ACOT7: variants seen among roughly 807,000 people sequenced by gnomAD.
ACOT7 encodes the protein cytosolic acyl coenzyme A thioester hydrolase.
A neutral mutation model predicts 40.2 loss-of-function variants in ACOT7; 12 were observed. That is an observed-to-expected ratio of 0.30 (90% CI 0.19 to 0.48). The LOEUF (loss-of-function observed/expected upper bound fraction) is 0.48. ACOT7 is among the 20% of genes least tolerant of loss of function. The probability of loss-of-function intolerance (pLI) is 0.99; values close to 1 mark genes in which losing one functional copy is unlikely to be tolerated. For missense variants in ACOT7, 395 were observed against 530.8 expected, an observed-to-expected ratio of 0.74 and a Z score of 2.51; for synonymous variants, 228 against 219.5, an observed-to-expected ratio of 1.04 and a Z score of -0.34.
At chr1:6,340,992 C>T (rs185870166) in intron 2 of ACOT7, among the ~76,000 whole-genome samples, 26 of 151,670 alleles carry the variant, frequency 1.7e-4, no homozygotes, top group African/African-American at 2.9e-4. Flanking sequence ...GCTGAGATTG[C>T]GCCACTGCAC....
In ACOT7 at chr1:6,330,576, C is replaced by T. The variant is rs961286779; in HGVS notation, c.510+2901G>A. On this transcript the variant is annotated intron_variant, in intron 4 of 8. Transcript: ENST00000361521. The surrounding 1 kb of genome is among the most constrained non-coding windows in gnomAD (Gnocchi z 4.6). ...GTATTTATGTCTCATCAAACCCACT[C>T]TACAAAGGAAATGAAAAAGCAACTG... is the stretch of plus-strand genomic sequence containing the variant. Among the ~76,000 whole-genome samples, 1 of 152,158 alleles carries T rather than the reference C, an allele frequency of 6.6e-6. No individual in the cohort carries two copies. Among genetic ancestry groups the T allele is most frequent in the Admixed American group, 6.5e-5 (1 of 15,286 alleles).
intron 8 of ACOT7, among the ~76,000 whole-genome samples, chr1:6,271,603 G>GTCCGCCATCCGCTGTGGCCTC (rs545231987): frequency 2.6e-5 from 4 of 152,150 alleles, no homozygotes; most frequent in Admixed American, 2.0e-4. Context: ...AGCGGAGCCT[G>GTCCGCCATCCGCTGTGGCCTC]TCCGCCATCC....
rs72859907 is a variant in ACOT7, at chr1:6,374,804, A to C, written c.143+18453T>G. On this transcript the variant is annotated intron_variant, in intron 1 of 8. Transcript: ENST00000361521. ...CTAACCTAGGACAAACCCCGGCATC[A>C]GTGAGCCCCTAGGTCTCGGCCAGTT... Among the ~76,000 whole-genome samples, 754 of 152,316 alleles carry C rather than the reference A, an allele frequency of 5.0e-3. 2 individuals carry two copies. The highest frequency in any genetic ancestry group is 0.017 in the African/African-American group (694 of 41,570).
intron 6 of ACOT7, among the ~76,000 whole-genome samples, chr1:6,300,909 G>A (rs1184736497): frequency 6.6e-6 from 1 of 152,224 alleles, no homozygotes; most frequent in Non-Finnish European, 1.5e-5. Context: ...CATTCTACAA[G>A]TCAGGAACCA....
At chr1:6,379,788 C>T (rs911426755) in intron 1 of ACOT7, among the ~76,000 whole-genome samples, 24 of 151,818 alleles carry the variant, frequency 1.6e-4, no homozygotes, top group Admixed American at 1.4e-3. Context: ...GAAAATAGGC[C>T]AGGTGTGGTG....
Position 6,393,490 on chromosome 1 carries a change from C to T in ACOT7, c.-91G>A, listed in dbSNP as rs1642573709. The T allele has an allele frequency of 1.8e-6, 2 of 1,120,700 alleles. No homozygotes were observed. The highest frequency in any genetic ancestry group is 3.3e-5 in the African/African-American group (2 of 61,476). The allele number at this position is 1,120,700 out of a possible 1,614,324, so 69.4% of individuals were successfully genotyped here. A position where few individuals can be genotyped will look rare whatever the true frequency, so the allele number is the denominator to read the frequency against. On this transcript the variant is annotated 5_prime_UTR_variant, in exon 1 of 9. Transcript: ENST00000361521. ...GAACGCGGCCTCCCCGCGCCGACCC[C>T]GCCCCCGCGCCGGCCCCACCCCGAG...
intron 1 of ACOT7, among the ~76,000 whole-genome samples, chr1:6,382,390 C>T (rs1364868593): frequency 1.3e-5 from 2 of 151,840 alleles, no homozygotes; most frequent in Non-Finnish European, 2.9e-5. Context: ...GGCGACAGAG[C>T]GAGACTCTGT....
At chr1:6,331,889 GAA>G (rs1227679324) in intron 4 of ACOT7, among the ~76,000 whole-genome samples, 6 of 152,216 alleles carry the variant, frequency 3.9e-5, no homozygotes, top group African/African-American at 1.4e-4. Flanking sequence ...GCTGGGGACA[GAA>G]GAGACGGCAG....
At position 6,281,153 on chromosome 1, in the gene ACOT7, G is replaced by A. The variant is rs1228908825; in HGVS notation, c.963C>T (p.Thr321=). The change falls in exon 8 of 9, where the codon ACC becomes ACT. Residue 321 remains threonine (T), a synonymous_variant. Coordinates refer to ENST00000361521, the MANE Select transcript of ACOT7 (RefSeq NM_007274.4). ...KRYRAASAFF[T]YVSLSQEGRS... ...TGCCTTCCTGGCTCAGCGACACGTA[G>A]GTGAAGAAGGCACTGGCGGCCCGGT... 6.2e-7 allele frequency: 1 copy of A among 1,614,146 alleles called. No individual in the cohort carries two copies. Among genetic ancestry groups the A allele is most frequent in the Non-Finnish European group, 8.5e-7 (1 of 1,180,058 alleles).
intron 5 of ACOT7, among the ~76,000 whole-genome samples, chr1:6,321,516 G>A (rs1399547253): frequency 6.6e-6 from 1 of 152,190 alleles, no homozygotes; most frequent in African/African-American, 2.4e-5. Flanking sequence ...ACACAAGGCT[G>A]AGTCTTTTTC....
rs567179982 is a variant in ACOT7, at chr1:6,278,071, G to A, written c.1014+3031C>T. ...ATGTGAGCCTGACAGTCCACGCAGCGTCTGCAGTGGCGGGGGGTGGTTGGG... is the reference window on the plus strand; with the variant it reads ...ATGTGAGCCTGACAGTCCACGCAGCATCTGCAGTGGCGGGGGGTGGTTGGG... On this transcript the variant is annotated intron_variant, in intron 8 of 8. Transcript: ENST00000361521. The surrounding 1 kb of genome is among the most constrained non-coding windows in gnomAD (Gnocchi z 4.1). Among the ~76,000 whole-genome samples, 836 of 146,716 alleles carry A rather than the reference G, an allele frequency of 5.7e-3. 4 individuals are homozygous for A. The highest frequency in any genetic ancestry group is 6.0e-3 in the Non-Finnish European group (396 of 66,480).
intron 2 of ACOT7, among the ~76,000 whole-genome samples, chr1:6,344,787 A>G (rs1313866752): frequency 2.0e-5 from 3 of 147,682 alleles, no homozygotes; most frequent in Middle Eastern, 3.5e-3. Flanking sequence ...AAAAAAAAAA[A>G]AAAGAAAAGA....
At chr1:6,336,066 G>A (rs1030338065) in intron 3 of ACOT7, among the ~76,000 whole-genome samples, 129 of 152,098 alleles carry the variant, frequency 8.5e-4, no homozygotes, top group African/African-American at 3.0e-3. Flanking sequence ...TTATCTCTCG[G>A]CCAGCTGCGG....
intron 3 of ACOT7, among the ~76,000 whole-genome samples, chr1:6,335,376 CAT>C (rs1424106142): frequency 6.7e-6 from 1 of 148,276 alleles, no homozygotes; most frequent in Non-Finnish European, 1.5e-5. Context: ...GCGGTGCACA[CAT>C]GTGGTCCCAA....
At position 6,330,480 on chromosome 1, in the gene ACOT7, C is replaced by T. The variant is rs1232782641; in HGVS notation, c.510+2997G>A. ...GCTGCAGCTGAGAACCGTGCAGCCTCTCCCATCTGCGGCTCCGGCTGCCTC... is the reference window on the plus strand; with the variant it reads ...GCTGCAGCTGAGAACCGTGCAGCCTTTCCCATCTGCGGCTCCGGCTGCCTC... On this transcript the variant is annotated intron_variant, in intron 4 of 8. Transcript: ENST00000361521. The surrounding 1 kb of genome is among the most constrained non-coding windows in gnomAD (Gnocchi z 4.6). 6.6e-6 allele frequency among the ~76,000 whole-genome samples: 1 copy of T among 152,206 alleles called. No individual in the cohort carries two copies. The highest frequency in any genetic ancestry group is 1.9e-4 in the East Asian group (1 of 5,200).
chr1:6,270,462 G>T (rs141597334), intron 8 of ACOT7, among the ~76,000 whole-genome samples: 3 of 152,302 alleles, frequency 2.0e-5, no homozygotes, highest in Admixed American at 2.0e-4. Flanking sequence ...AGGCTCCTCC[G>T]AGCCTCTGGG....
At chr1:6,283,703 C>A (rs764544860) in intron 7 of ACOT7, among the ~76,000 whole-genome samples, 2 of 152,232 alleles carry the variant, frequency 1.3e-5, no homozygotes, top group Non-Finnish European at 2.9e-5. Context: ...ACAATTAACA[C>A]TTCATAAATG....
chr1:6,374,032 T>C (rs894446478), intron 1 of ACOT7, among the ~76,000 whole-genome samples: 1 of 152,226 alleles, frequency 6.6e-6, no homozygotes, highest in South Asian at 2.1e-4. Flanking sequence ...CACCTCTGCC[T>C]TTTAGAGAAT....
At chr1:6,312,591 C>A (rs974598550) in intron 6 of ACOT7, among the ~76,000 whole-genome samples, 2 of 152,150 alleles carry the variant, frequency 1.3e-5, no homozygotes, top group Non-Finnish European at 2.9e-5. Context: ...CCTCTGCCTC[C>A]CAAGCAGCTG....
Sources: allele counts gnomAD v4.1 joint callset (sites outside exome capture counted in the v4.1 genomes callset), GRCh38; gene constraint gnomAD v4.1.1; non-coding constraint Gnocchi (gnomAD v3.1); transcripts MANE v1.5; gene names NCBI Gene and HGNC (gene_info 2026-07-23, HGNC 2026-07-21).